DLGAP2: variants seen among roughly 807,000 people sequenced by gnomAD.
The protein encoded by DLGAP2 is DLG associated protein 2, also known as disks large-associated protein 2.
In DLGAP2, 26 loss-of-function variants were observed where a neutral mutation model predicts 100.3. The ratio of observed to expected loss-of-function variants is 0.26; its 90% CI spans 0.19 to 0.36. The LOEUF (loss-of-function observed/expected upper bound fraction) is 0.36. Among genes scored for constraint, DLGAP2 ranks in the 10% least tolerant of loss-of-function variants. DLGAP2 has a pLI of 1.00. For missense variants in DLGAP2, 1,858 were observed against 1,453.2 expected, an observed-to-expected ratio of 1.28 and a Z score of -4.53; for synonymous variants, 886 against 630.1, an observed-to-expected ratio of 1.41 and a Z score of -6.08.
intron 3 of DLGAP2, among the ~76,000 whole-genome samples, chr8:1,452,653 A>G (rs1390421959): frequency 6.6e-6 from 1 of 152,228 alleles, no homozygotes; most frequent in African/African-American, 2.4e-5. Context: ...AGGAGGCAGG[A>G]GATGCCGAAA....
chr8:1,177,960 G>C (rs1043233079), intron 2 of DLGAP2, among the ~76,000 whole-genome samples: 1 of 152,212 alleles, frequency 6.6e-6, no homozygotes, highest in South Asian at 2.1e-4. Flanking sequence ...CTCAGTGATC[G>C]ACATCTCCAA....
chr8:984,562 G>C (rs543226638), intron 2 of DLGAP2, among the ~76,000 whole-genome samples: 12 of 152,280 alleles, frequency 7.9e-5, no homozygotes, highest in African/African-American at 2.6e-4. Context: ...TCCCTGCAAA[G>C]ATTGTGTAGA....
At chr8:1,084,682 G>A (rs1803917517) in intron 2 of DLGAP2, among the ~76,000 whole-genome samples, 1 of 152,200 alleles carries the variant, frequency 6.6e-6, no homozygotes, top group Admixed American at 6.5e-5. Context: ...CCCATTCCAT[G>A]CATGTTTTCA....
intron 2 of DLGAP2, among the ~76,000 whole-genome samples, chr8:1,213,812 A>G (rs1798156987): frequency 6.6e-6 from 1 of 152,122 alleles, no homozygotes; most frequent in African/African-American, 2.4e-5. Context: ...GTGCTCAGCC[A>G]CCGCTGCCTC....
intron 3 of DLGAP2, among the ~76,000 whole-genome samples, chr8:1,377,319 C>A (rs879602135): frequency 6.6e-6 from 1 of 152,108 alleles, no homozygotes; most frequent in Non-Finnish European, 1.5e-5. Context: ...CCGAGGCGGG[C>A]GAATCACGAA....
At chr8:1,696,707 G>A (rs1301085567) in intron 13 of DLGAP2, among the ~76,000 whole-genome samples, 1 of 152,200 alleles carries the variant, frequency 6.6e-6, no homozygotes, top group Non-Finnish European at 1.5e-5. Context: ...GTAAGAACGA[G>A]AGCTAAGAGC....
At chr8:1,293,143 C>G (rs539412190) in intron 3 of DLGAP2, among the ~76,000 whole-genome samples, 1 of 152,288 alleles carries the variant, frequency 6.6e-6, no homozygotes, top group East Asian at 1.9e-4. Flanking sequence ...CTGAAAATCC[C>G]TCCCTGTCTC....
chr8:1,681,463 T>A (rs1798943052), intron 12 of DLGAP2, among the ~76,000 whole-genome samples: 1 of 151,770 alleles, frequency 6.6e-6, no homozygotes, highest in Non-Finnish European at 1.5e-5. Flanking sequence ...TGAGACCTTG[T>A]CTCTACCAAA....
chr8:1,176,427 T>C (rs1489459179), intron 2 of DLGAP2, among the ~76,000 whole-genome samples: 1 of 152,170 alleles, frequency 6.6e-6, no homozygotes, highest in African/African-American at 2.4e-5. Flanking sequence ...ATCTACACTT[T>C]GGGTGTTTGT....
chr8:1,604,941 A>G (rs925553609), intron 6 of DLGAP2, among the ~76,000 whole-genome samples: 15 of 152,308 alleles, frequency 9.8e-5, no homozygotes, highest in African/African-American at 3.6e-4. Context: ...GCTGCAGAAA[A>G]GGTCTGATGT....
At chr8:930,021 C>A (rs1446688766) in intron 2 of DLGAP2, among the ~76,000 whole-genome samples, 8 of 152,026 alleles carry the variant, frequency 5.3e-5, no homozygotes, top group African/African-American at 1.9e-4. Flanking sequence ...AGTTGGTGCA[C>A]CTGCTCATCC....
At chr8:914,805 G>C (rs1456310115) in intron 2 of DLGAP2, among the ~76,000 whole-genome samples, 1 of 152,208 alleles carries the variant, frequency 6.6e-6, no homozygotes, top group Non-Finnish European at 1.5e-5. Flanking sequence ...ACTAAACCTG[G>C]TGTGTGATAC....
intron 4 of DLGAP2, among the ~76,000 whole-genome samples, chr8:1,510,698 T>C: frequency 6.6e-6 from 1 of 152,176 alleles, no homozygotes; most frequent in East Asian, 1.9e-4. Flanking sequence ...TCCAAGGTCA[T>C]TAGTGAATGA....
chr8:1,218,821 C>T (rs996045375), intron 2 of DLGAP2, among the ~76,000 whole-genome samples: 1 of 151,960 alleles, frequency 6.6e-6, no homozygotes, highest in Admixed American at 6.6e-5. Context: ...TTTTGTAATT[C>T]TCATTGTAGA....
chr8:1,046,932 C>T (rs917218265), intron 2 of DLGAP2, among the ~76,000 whole-genome samples: 4 of 145,096 alleles, frequency 2.8e-5, no homozygotes, highest in Admixed American at 1.4e-4. Flanking sequence ...TGAAATGCAT[C>T]CTTTTTTTGT....
At chr8:891,821 A>G (rs2128995718) in intron 1 of DLGAP2, among the ~76,000 whole-genome samples, 2 of 152,312 alleles carry the variant, frequency 1.3e-5, no homozygotes, top group South Asian at 2.1e-4. Context: ...GCCTGGGGAT[A>G]CAAAGCCTGC....
intron 1 of DLGAP2, among the ~76,000 whole-genome samples, chr8:866,858 G>T (rs1165924158): frequency 3.3e-5 from 5 of 152,200 alleles, no homozygotes; most frequent in Admixed American, 6.5e-5. Context: ...CTTGTTGGGA[G>T]AAGCTGCTCA....
chr8:1,270,272 G>A (rs1483488808), intron 3 of DLGAP2, among the ~76,000 whole-genome samples: 2 of 152,190 alleles, frequency 1.3e-5, no homozygotes, highest in African/African-American at 2.4e-5. Context: ...CAACAGAGGA[G>A]CAACGTCTGC....
chr8:1,244,253 C>T (rs946961639), intron 2 of DLGAP2, among the ~76,000 whole-genome samples: 5 of 152,184 alleles, frequency 3.3e-5, no homozygotes, highest in Non-Finnish European at 5.9e-5. Flanking sequence ...CCCTAGTGCC[C>T]GGCATAGACT....
Sources: gnomAD v4.1 joint callset for allele counts (sites outside exome capture counted in the v4.1 genomes callset) on GRCh38, gnomAD v4.1.1 for gene constraint, MANE v1.5 for transcripts, NCBI Gene and HGNC (gene_info 2026-07-23, HGNC 2026-07-21) for gene names.